KIF5C: variants seen among roughly 807,000 people sequenced by gnomAD.
The protein encoded by KIF5C is kinesin family member 5C.
Under a neutral mutation model 125.2 loss-of-function variants are expected in KIF5C, and 18 were observed. The ratio of observed to expected loss-of-function variants is 0.14; its 90% CI spans 0.10 to 0.21. KIF5C has a LOEUF of 0.21. Ranked by LOEUF, KIF5C falls within the 10% of genes least tolerant of loss-of-function variation. The pLI is 1.00. For synonymous variants in KIF5C, 405 were observed against 434.0 expected (o/e 0.93, Z 0.83); for missense variants, 780 against 1,183.8 (o/e 0.66, Z 5.01).
chr2:148,947,101 C>G, intron 8 of KIF5C, 78 bp downstream of exon 8: 5 of 1,492,460 alleles, frequency 3.4e-6, no homozygotes, highest in Non-Finnish European at 4.4e-6. Flanking sequence ...AATTTTTATG[C>G]TTTTCTATTT....
chr2:148,897,606 T>A (rs1680723642), intron 1 of KIF5C, among the ~76,000 whole-genome samples: 1 of 152,004 alleles, frequency 6.6e-6, no homozygotes, highest in Non-Finnish European at 1.5e-5. Context: ...TTGTTAAGTG[T>A]GTATAGAATG....
intron 7 of KIF5C, among the ~76,000 whole-genome samples, chr2:148,944,100 GC>G (rs1682469446): frequency 6.6e-6 from 1 of 151,954 alleles, no homozygotes; most frequent in South Asian, 2.1e-4. Flanking sequence ...GTTTGGAACT[GC>G]TAATCTAAAA....
chr2:148,967,204 T>C (rs1410652092), intron 11 of KIF5C, among the ~76,000 whole-genome samples: 1 of 152,194 alleles, frequency 6.6e-6, no homozygotes, highest in Non-Finnish European at 1.5e-5. Context: ...CCTGGTTCCG[T>C]TCCCCAGGGT....
At chr2:148,896,248 G>A (rs539621442) in intron 1 of KIF5C, among the ~76,000 whole-genome samples, 93 of 152,256 alleles carry the variant, frequency 6.1e-4, no homozygotes, top group African/African-American at 1.8e-3. Context: ...AGCTCTCAGC[G>A]AGCCCTCCTA....
At chr2:148,910,946 T>G (rs534174722) in intron 1 of KIF5C, among the ~76,000 whole-genome samples, 32 of 152,216 alleles carry the variant, frequency 2.1e-4, no homozygotes, top group Non-Finnish European at 4.3e-4. Context: ...AGCTCTGAGC[T>G]TTTTATCCTG....
chr2:148,916,161 A>T (rs988488649), intron 1 of KIF5C, among the ~76,000 whole-genome samples: 3 of 152,150 alleles, frequency 2.0e-5, no homozygotes, highest in Non-Finnish European at 4.4e-5. Context: ...GAAGTGGTGG[A>T]GAGTGAGAGG....
At position 148,942,696 on chromosome 2, in the gene KIF5C, G is replaced by C. The variant is rs183944203; in HGVS notation, c.525G>C (p.Ser175=). Residue 175 remains serine (S), a synonymous_variant, in exon 7 of 26, where the codon TCG becomes TCC. Coordinates refer to ENST00000435030, the MANE Select transcript of KIF5C (RefSeq NM_004522.3). ...AGGGGTGCACTGAGCGGTTTGTGTCGAGCCCTGAGGAAGTCATGGATGTAA... is the reference window on the plus strand; with the variant it reads ...AGGGGTGCACTGAGCGGTTTGTGTCCAGCCCTGAGGAAGTCATGGATGTAA... ...YVKGCTERFV[S]SPEEVMDVID... 1.9e-6 allele frequency: 3 copies of C among 1,611,146 alleles called. No homozygotes were observed. Among genetic ancestry groups the C allele is most frequent in the Non-Finnish European group, 2.5e-6 (3 of 1,178,954 alleles).
intron 25 of KIF5C, among the ~76,000 whole-genome samples, chr2:149,016,046 A>G (rs951488676): frequency 2.0e-5 from 3 of 152,258 alleles, no homozygotes; most frequent in Non-Finnish European, 4.4e-5. Flanking sequence ...CCAGGCACAC[A>G]GCAACCTGGG....
intron 8 of KIF5C, chr2:148,947,985 C>T: frequency 6.6e-6 from 3 of 456,612 alleles, no homozygotes; most frequent in Non-Finnish European, 1.3e-5. Context: ...CTTGGATTGT[C>T]CTCTAGTATG....
intron 1 of KIF5C, among the ~76,000 whole-genome samples, chr2:148,882,913 C>T (rs1681407150): frequency 6.6e-6 from 1 of 152,146 alleles, no homozygotes; most frequent in African/African-American, 2.4e-5. Context: ...ATTTCTGTCT[C>T]CAAGACCCGG....
chr2:148,960,414 C>T (rs1177149383), intron 10 of KIF5C, among the ~76,000 whole-genome samples: 1 of 152,168 alleles, frequency 6.6e-6, no homozygotes, highest in Non-Finnish European at 1.5e-5. Context: ...AATGTTTGTG[C>T]TTGCATCTGA....
chr2:148,904,295 G>A (rs2105059731), intron 1 of KIF5C, among the ~76,000 whole-genome samples: 1 of 152,296 alleles, frequency 6.6e-6, no homozygotes, highest in South Asian at 2.1e-4. Flanking sequence ...AAGAGCACAG[G>A]CTCTGGCATC....
rs140206359 is a variant in KIF5C, at chr2:148,962,380, T to C, written c.1117+261T>C. Among the ~76,000 whole-genome samples, 582 of 151,306 alleles carry C rather than the reference T, an allele frequency of 3.8e-3. 2 individuals carry two copies. The highest frequency in any genetic ancestry group is 0.013 in the African/African-American group (551 of 41,092). The stretch of plus-strand genomic sequence containing the variant: ...TTTTAGTAGAGATGAGGTTTTACCA[T>C]GTTGGCCAGGCTGGTCTTGAACTCC... On this transcript the variant is annotated intron_variant, in intron 11 of 25. Coordinates refer to ENST00000435030, the MANE Select transcript of KIF5C (RefSeq NM_004522.3).
chr2:148,962,333 T>G (rs1682947979), intron 11 of KIF5C, among the ~76,000 whole-genome samples: 1 of 148,092 alleles, frequency 6.8e-6, no homozygotes, highest in Non-Finnish European at 1.5e-5. Context: ...ACCTGGCTAA[T>G]TTTTGTAATT....
At chr2:148,941,494 C>T in intron 4 of KIF5C, 116 bp from the exon 5 acceptor site, 1 of 1,369,268 alleles carries the variant, frequency 7.3e-7, no homozygotes, top group Admixed American at 2.4e-5. Flanking sequence ...TCACTTTGAA[C>T]CCCTCTTCTT....
At chr2:149,009,475 G>A (rs1682117726) in intron 23 of KIF5C, among the ~76,000 whole-genome samples, 1 of 152,126 alleles carries the variant, frequency 6.6e-6, no homozygotes, top group Admixed American at 6.5e-5. Flanking sequence ...GTACACTTGT[G>A]TTATAGATGA....
chr2:148,907,990 G>C (rs1235599114), intron 1 of KIF5C, among the ~76,000 whole-genome samples: 1 of 152,224 alleles, frequency 6.6e-6, no homozygotes. Context: ...GGCTGTTCCT[G>C]TCTCAAATCT....
chr2:148,967,983 A>G (rs1680792981), intron 11 of KIF5C, among the ~76,000 whole-genome samples: 1 of 152,124 alleles, frequency 6.6e-6, no homozygotes. Context: ...TGAAGTCTGG[A>G]TGCATGGCTT....
At chr2:149,014,691 T>TA (rs1159537489) in intron 25 of KIF5C, among the ~76,000 whole-genome samples, 1 of 152,188 alleles carries the variant, frequency 6.6e-6, no homozygotes, top group Non-Finnish European at 1.5e-5. Context: ...AATTGCTCAA[T>TA]AAAAATGTTA....
Sources: gnomAD v4.1 joint callset for allele counts (sites outside exome capture counted in the v4.1 genomes callset) on GRCh38, gnomAD v4.1.1 for gene constraint, MANE v1.5 for transcripts, NCBI Gene and HGNC (gene_info 2026-07-23, HGNC 2026-07-21) for gene names.